The following PPP1R3A variants were observed in gnomAD, a reference collection of about 807,000 sequenced individuals.
The protein encoded by PPP1R3A is protein phosphatase 1 regulatory subunit 3A, also known as RG1.
Under a neutral mutation model 41.7 loss-of-function variants are expected in PPP1R3A, and 29 were observed. The ratio of observed to expected loss-of-function variants is 0.70; its 90% CI spans 0.52 to 0.95. The LOEUF (loss-of-function observed/expected upper bound fraction) is 0.95, where lower values mean the gene tolerates loss of function less well. Ranked by LOEUF, PPP1R3A falls within the 40% of genes least tolerant of loss-of-function variation. The probability of loss-of-function intolerance (pLI) is 0.00; values close to 1 mark genes in which losing one functional copy is unlikely to be tolerated. For missense variants in PPP1R3A, 1,352 were observed against 1,292.4 expected (o/e 1.05, Z -0.71); for synonymous variants, 485 against 453.4 (o/e 1.07, Z -0.89).
At chr7:113,911,418 C>A (rs531333896) in intron 1 of PPP1R3A, among the ~76,000 whole-genome samples, 1 of 151,848 alleles carries the variant, frequency 6.6e-6, no homozygotes, top group Non-Finnish European at 1.5e-5. Flanking sequence ...GAGGAATGAC[C>A]GAAATTTGAT....
rs781373705 is a variant in PPP1R3A at position 113,879,399 on chromosome 7, G to A, written c.1693C>T (p.Leu565=). The stretch of plus-strand genomic sequence containing the variant: ...GGGATTGCGGTATGTTCGCTCAGCA[G>A]AGTAGCCAGGTCTCTGTTACTAGCT... ...IGASNRDLAT[L]LSEHTAIPTR... is the part of the protein sequence containing the mutation. The change falls in exon 4 of 4, where the codon CTG becomes TTG. Residue 565 remains leucine (L), a synonymous_variant. Coordinates refer to ENST00000284601, the MANE Select transcript of PPP1R3A (RefSeq NM_002711.4). 2.0e-5 allele frequency: 33 copies of A among 1,613,390 alleles called. No individual in the cohort carries two copies. Among genetic ancestry groups the A allele is most frequent in the Non-Finnish European group, 2.6e-5 (31 of 1,179,708 alleles).
At chr7:113,901,482 G>C (rs1797061173) in intron 1 of PPP1R3A, among the ~76,000 whole-genome samples, 1 of 151,628 alleles carries the variant, frequency 6.6e-6, no homozygotes. Context: ...ATCAACTTAG[G>C]TAAAAACCTG....
At chr7:113,886,603 G>A (rs1013515724) in intron 1 of PPP1R3A, among the ~76,000 whole-genome samples, 1 of 152,134 alleles carries the variant, frequency 6.6e-6, no homozygotes, top group Non-Finnish European at 1.5e-5. Flanking sequence ...GAAATGAAAT[G>A]AGTAGAATTC....
intron 1 of PPP1R3A, among the ~76,000 whole-genome samples, chr7:113,903,056 C>T (rs575990141): frequency 5.3e-5 from 8 of 151,608 alleles, no homozygotes; most frequent in Admixed American, 2.0e-4. Context: ...TAATGTTAAC[C>T]AAGATCCCTA....
rs1414389223 is a variant in PPP1R3A, at chr7:113,879,282, T to A, written c.1810A>T (p.Thr604Ser). Residue 604 changes from threonine to serine, a missense_variant, in exon 4 of 4, where the codon ACT becomes TCT. Thr to Ser is a moderately conservative substitution (Grantham distance 58). Transcript: ENST00000284601. ...AVLTPEHHHL[T>S]SEGSALGGIT... ...CCTCCTAAAGCGCTGCCTTCACTAG[T>A]CAAATGATGATGCTCTGGGGTTAAC... 6.2e-7 allele frequency: 1 copy of A among 1,613,556 alleles called. No individual in the cohort carries two copies. The highest frequency in any genetic ancestry group is 2.2e-5 in the East Asian group (1 of 44,846).
chr7:113,915,026 T>C (rs1435927063), intron 1 of PPP1R3A, among the ~76,000 whole-genome samples: 2 of 152,158 alleles, frequency 1.3e-5, no homozygotes, highest in African/African-American at 2.4e-5. Context: ...CTTAGTTTGC[T>C]AGCATATGTG....
chr7:113,888,089 G>A (rs76795887), intron 1 of PPP1R3A, among the ~76,000 whole-genome samples: 154 of 152,142 alleles, frequency 1.0e-3, no homozygotes, highest in Non-Finnish European at 1.5e-3. Flanking sequence ...ATGTTCAGAG[G>A]GCTGGACTCT....
At chr7:113,880,879 A>G (rs574497409) in intron 3 of PPP1R3A, among the ~76,000 whole-genome samples, 1 of 152,036 alleles carries the variant, frequency 6.6e-6, no homozygotes, top group South Asian at 2.1e-4. Context: ...TTGTATTTCC[A>G]TCTATTATAG....
intron 1 of PPP1R3A, among the ~76,000 whole-genome samples, chr7:113,905,374 T>A (rs1797128752): frequency 6.6e-6 from 1 of 151,706 alleles, no homozygotes; most frequent in South Asian, 2.1e-4. Flanking sequence ...AAATCAGCAA[T>A]CAGCTACAAA....
At position 113,877,904 on chromosome 7, in the gene PPP1R3A, C is replaced by G. The variant is rs1422720004; in HGVS notation, c.3188G>C (p.Gly1063Ala). The G allele has an allele frequency of 1.2e-6, 2 of 1,613,032 alleles. No individual in the cohort carries two copies. Among genetic ancestry groups the G allele is most frequent in the Non-Finnish European group, 1.7e-6 (2 of 1,179,326 alleles). Residue 1063 changes from glycine to alanine, a missense_variant, in exon 4 of 4, where the codon GGC becomes GCC. Gly to Ala is a moderately conservative substitution (Grantham distance 60, BLOSUM62 0). Transcript: ENST00000284601. ...SLPVEESQAQ[G>A]NESLFSKYTN... is the part of the protein sequence containing the mutation. The stretch of plus-strand genomic sequence containing the variant: ...ATATTTTGAAAACAAAGATTCGTTG[C>G]CTTGAGCTTGACTTTCCTCAACAGG...
rs78396715 is a variant in PPP1R3A at position 113,879,430 on chromosome 7, C to G, written c.1662G>C (p.Gly554=). 1,295 of 1,613,498 alleles carry G rather than the reference C, an allele frequency of 8.0e-4. 7 individuals are homozygous for G. In the African/African-American group the frequency reaches 0.015, roughly 18 times the overall value. The change falls in exon 4 of 4, where the codon GGG becomes GGC. Residue 554 remains glycine, a synonymous_variant. Transcript: ENST00000284601. ...KMGNPKISVA[G]IGASNRDLAT... ...CCAGGTCTCTGTTACTAGCTCCAAT[C>G]CCTGCCACACTTATTTTAGGGTTAC...
intron 1 of PPP1R3A, among the ~76,000 whole-genome samples, chr7:113,911,123 TA>T (rs1797237227): frequency 1.3e-5 from 2 of 152,200 alleles, no homozygotes; most frequent in African/African-American, 4.8e-5. Flanking sequence ...CAGGTTTGTT[TA>T]ATTGGTCTCT....
rs1796579007 is a variant in PPP1R3A at position 113,877,120 on chromosome 7, T to C, written c.*603A>G. ...ACTTTGTAGCTATAAAGAAGGTATG[T>C]GTGTGTGTGTGTGCATGCATCAAGT... On this transcript the variant is annotated 3_prime_UTR_variant, in exon 4 of 4. Coordinates refer to ENST00000284601, the MANE Select transcript of PPP1R3A (RefSeq NM_002711.4). 1 of 151,292 alleles carries C rather than the reference T, an allele frequency of 6.6e-6. No individual in the cohort carries two copies. Among genetic ancestry groups the C allele is most frequent in the Non-Finnish European group, 1.5e-5 (1 of 67,658 alleles). The allele number at this position is 151,292 out of a possible 1,614,324, so 9.4% of individuals were successfully genotyped here.
rs369860564 is a variant in PPP1R3A, at chr7:113,879,872, T to G, written c.1220A>C (p.Glu407Ala). The change falls in exon 4 of 4, where the codon GAA becomes GCA. Residue 407 changes from glutamate (E) to alanine (A), a missense_variant. Transcript: ENST00000284601. ...GATTTCTCCCATATTTGAAGTAGTT[T>G]CCTCTGAAGGTTGATGTGTACAGTC... ...GDDCTHQPSE[E>A]TTSNMGEIKP... is the part of the protein sequence containing the mutation. The G allele has an allele frequency of 2.5e-6, 4 of 1,613,490 alleles. No homozygotes were observed. The highest frequency in any genetic ancestry group is 3.4e-6 in the Non-Finnish European group (4 of 1,179,716).
At chr7:113,890,120 A>C (rs1370619528) in intron 1 of PPP1R3A, among the ~76,000 whole-genome samples, 1 of 152,168 alleles carries the variant, frequency 6.6e-6, no homozygotes, top group African/African-American at 2.4e-5. Context: ...CAAGTAATCC[A>C]AGATACAATT....
chr7:113,888,669 T>C (rs1198377823), intron 1 of PPP1R3A, among the ~76,000 whole-genome samples: 2 of 152,162 alleles, frequency 1.3e-5, no homozygotes, highest in Non-Finnish European at 2.9e-5. Context: ...GGACACCTTT[T>C]TCAGGGTTCC....
intron 1 of PPP1R3A, among the ~76,000 whole-genome samples, chr7:113,896,666 A>T (rs1796981118): frequency 6.6e-6 from 1 of 151,820 alleles, no homozygotes; most frequent in South Asian, 2.1e-4. Context: ...AAGGCCCAAG[A>T]GAGGACACCA....
Position 113,879,658 on chromosome 7 carries a change from T to C in PPP1R3A, c.1434A>G (p.Glu478=). The C allele has an allele frequency of 6.2e-7, 1 of 1,613,348 alleles. No homozygotes were observed. Among genetic ancestry groups the C allele is most frequent in the Non-Finnish European group, 8.5e-7 (1 of 1,179,710 alleles). ...TTCGTAAACATCCCAAATCTTTTAC[T>C]TCAATATTTTTAGCTCCTCCTTCAT... is the stretch of plus-strand genomic sequence containing the variant. The part of the protein sequence containing the change: ...KKHEGGAKNI[E]VKDLGCLRRD... Residue 478 remains glutamate (E), a synonymous_variant, in exon 4 of 4, where the codon GAA becomes GAG. Coordinates refer to ENST00000284601, the MANE Select transcript of PPP1R3A (RefSeq NM_002711.4).
chr7:113,916,513 A>C (rs1797345762), intron 1 of PPP1R3A, among the ~76,000 whole-genome samples: 1 of 152,088 alleles, frequency 6.6e-6, no homozygotes, highest in Non-Finnish European at 1.5e-5. Context: ...GGAATCCCCT[A>C]TCCAAACCAC....
Sources: allele counts gnomAD v4.1 joint callset (sites outside exome capture counted in the v4.1 genomes callset), GRCh38; gene constraint gnomAD v4.1.1; transcripts MANE v1.5; gene names NCBI Gene and HGNC (gene_info 2026-07-23, HGNC 2026-07-21).